The following SUCLG2 variants were observed in gnomAD, a reference collection of about 807,000 sequenced individuals.
SUCLG2 encodes succinate--CoA ligase [GDP-forming] subunit beta, mitochondrial.
SUCLG2 carries 42 observed loss-of-function variants against 47.9 expected under a neutral mutation model. The observed-to-expected ratio is 0.88, with a 90% CI of 0.69 to 1.14. The LOEUF is 1.14. Ranked by LOEUF, SUCLG2 falls within the 50% of genes most tolerant of loss-of-function variation. The probability of loss-of-function intolerance (pLI) is 0.00; values close to 1 mark genes in which losing one functional copy is unlikely to be tolerated. For missense variants in SUCLG2, 571 were observed against 525.9 expected, an observed-to-expected ratio of 1.09 and a Z score of -0.84; for synonymous variants, 195 against 197.3, an observed-to-expected ratio of 0.99 and a Z score of 0.10.
intron 10 of SUCLG2, among the ~76,000 whole-genome samples, chr3:67,393,464 G>T (rs921572429): frequency 6.6e-6 from 1 of 152,148 alleles, no homozygotes; most frequent in Non-Finnish European, 1.5e-5. Flanking sequence ...CAGCGAGGCT[G>T]GGGGAGGGGT....
chr3:67,528,069 G>T, intron 4 of SUCLG2, 63 bp downstream of exon 4: 2 of 1,440,382 alleles, frequency 1.4e-6, no homozygotes, highest in Non-Finnish European at 1.9e-6. Context: ...AAAAACTGAA[G>T]GATGGTTTTC....
intron 1 of SUCLG2, among the ~76,000 whole-genome samples, chr3:67,619,058 A>T (rs1169386640): frequency 6.6e-6 from 1 of 152,202 alleles, no homozygotes; most frequent in African/African-American, 2.4e-5. Flanking sequence ...TAATAAAATC[A>T]TCTGTACTTC....
At chr3:67,448,168 A>C (rs986080919) in intron 9 of SUCLG2, among the ~76,000 whole-genome samples, 11 of 152,344 alleles carry the variant, frequency 7.2e-5, no homozygotes, top group African/African-American at 2.2e-4. Context: ...AAAAATCCCC[A>C]AAAAACTATG....
intron 2 of SUCLG2, among the ~76,000 whole-genome samples, chr3:67,534,816 A>T (rs1373989350): frequency 6.8e-6 from 1 of 147,464 alleles, no homozygotes; most frequent in East Asian, 2.0e-4. Flanking sequence ...ATGTGACATC[A>T]TTCAACACCT....
intron 2 of SUCLG2, among the ~76,000 whole-genome samples, chr3:67,559,353 G>A (rs1043266746): frequency 1.3e-5 from 2 of 152,180 alleles, no homozygotes; most frequent in Non-Finnish European, 2.9e-5. Flanking sequence ...TCACTGTTCC[G>A]CATGGCTGGG....
chr3:67,596,545 G>A (rs1441483702), intron 2 of SUCLG2, among the ~76,000 whole-genome samples: 5 of 152,094 alleles, frequency 3.3e-5, no homozygotes, highest in Non-Finnish European at 5.9e-5. Flanking sequence ...TTTTCCCTGC[G>A]TGCCATGACA....
At chr3:67,402,570 G>A (rs1167515070) in intron 9 of SUCLG2, among the ~76,000 whole-genome samples, 1 of 152,236 alleles carries the variant, frequency 6.6e-6, no homozygotes, top group African/African-American at 2.4e-5. Context: ...GCTTGGTACA[G>A]CAGTAGTTTC....
intron 2 of SUCLG2, among the ~76,000 whole-genome samples, chr3:67,552,125 A>G (rs1187147242): frequency 6.7e-6 from 1 of 149,292 alleles, no homozygotes; most frequent in Non-Finnish European, 1.5e-5. Flanking sequence ...ATTAAAATGG[A>G]GAAAACACTT....
At chr3:67,544,876 T>G (rs1212654995) in intron 2 of SUCLG2, among the ~76,000 whole-genome samples, 2 of 152,212 alleles carry the variant, frequency 1.3e-5, no homozygotes, top group Non-Finnish European at 2.9e-5. Flanking sequence ...TTCAGAAAAC[T>G]TCTACAGATT....
chr3:67,494,910 A>T (rs1575734083), intron 9 of SUCLG2, among the ~76,000 whole-genome samples: 1 of 152,208 alleles, frequency 6.6e-6, no homozygotes, highest in Non-Finnish European at 1.5e-5. Context: ...TGGTAGCTAC[A>T]TTCTAGTTAG....
intron 1 of SUCLG2, among the ~76,000 whole-genome samples, chr3:67,632,342 C>G (rs1158321544): frequency 6.6e-6 from 1 of 152,074 alleles, no homozygotes; most frequent in African/African-American, 2.4e-5. Flanking sequence ...ACCACCACAC[C>G]CAGCTAATTT....
chr3:67,539,028 T>G (rs1706625742), intron 2 of SUCLG2, among the ~76,000 whole-genome samples: 1 of 152,212 alleles, frequency 6.6e-6, no homozygotes, highest in Admixed American at 6.5e-5. Context: ...ACTTCCTCTC[T>G]TCCTATTTGA....
intron 2 of SUCLG2, among the ~76,000 whole-genome samples, chr3:67,590,894 C>G (rs1382460699): frequency 7.3e-6 from 1 of 136,588 alleles, no homozygotes; most frequent in East Asian, 2.0e-4. Flanking sequence ...CTGTCTAAGA[C>G]TTTGGACATT....
intron 9 of SUCLG2, among the ~76,000 whole-genome samples, chr3:67,440,005 A>G (rs2106908398): frequency 6.6e-6 from 1 of 152,332 alleles, no homozygotes; most frequent in South Asian, 2.1e-4. Flanking sequence ...AGTAACGAAA[A>G]CAGCATGGTA....
At chr3:67,643,142 C>T (rs1701131386) in intron 1 of SUCLG2, among the ~76,000 whole-genome samples, 1 of 152,162 alleles carries the variant, frequency 6.6e-6, no homozygotes, top group African/African-American at 2.4e-5. Flanking sequence ...CACTAAACAA[C>T]GTGGTCCAAA....
At chr3:67,582,508 G>T (rs1171490897) in intron 2 of SUCLG2, among the ~76,000 whole-genome samples, 1 of 151,998 alleles carries the variant, frequency 6.6e-6, no homozygotes, top group Admixed American at 6.6e-5. Context: ...TTCTTTATCC[G>T]GTCTACCAGT....
Position 67,360,640 on chromosome 3 carries a change from A to G in SUCLG2, c.1312T>C (p.Phe438Leu). Residue 438 changes from phenylalanine to leucine, a missense_variant, in exon 11 of 11, where the codon TTT (phenylalanine) becomes CTT (leucine). Coordinates refer to the SUCLG2 transcript ENST00000493112. Reference sequence around the variant, plus strand: ...AGCAAAGTAAATCTTTAACATAAAAAAATGCTGATGGCACACTTACTCAGA... The same window carrying G: ...AGCAAAGTAAATCTTTAACATAAAAGAATGCTGATGGCACACTTACTCAGA... 3 of 1,508,842 alleles carry G rather than the reference A, an allele frequency of 2.0e-6. No homozygotes were observed. Among genetic ancestry groups the G allele is most frequent in the Non-Finnish European group, 2.7e-6 (3 of 1,131,910 alleles). The allele number at this position is 1,508,842 out of a possible 1,614,324, so 93.5% of individuals were successfully genotyped here.
intron 10 of SUCLG2, among the ~76,000 whole-genome samples, chr3:67,381,985 C>G (rs556502074): frequency 6.6e-6 from 1 of 152,090 alleles, no homozygotes; most frequent in Non-Finnish European, 1.5e-5. Flanking sequence ...GGATTTTGTT[C>G]GCAAGGTGCA....
intron 9 of SUCLG2, among the ~76,000 whole-genome samples, chr3:67,456,914 C>G (rs1704199901): frequency 6.6e-6 from 1 of 151,970 alleles, no homozygotes; most frequent in African/African-American, 2.4e-5. Flanking sequence ...ACATAAACAA[C>G]TCCAGGTTAT....
Sources: allele counts gnomAD v4.1 joint callset (sites outside exome capture counted in the v4.1 genomes callset), GRCh38; gene constraint gnomAD v4.1.1; transcripts MANE v1.5; gene names NCBI Gene and HGNC (gene_info 2026-07-23, HGNC 2026-07-21).